Variants in CCDC178 observed in about 807,000 individuals in gnomAD.
CCDC178 encodes the protein coiled-coil domain-containing protein 178.
A neutral mutation model predicts 117.4 loss-of-function variants in CCDC178; 126 were observed. The observed-to-expected ratio is 1.07, with a 90% confidence interval of 0.93 to 1.24. CCDC178 has a LOEUF of 1.24. Among genes scored for constraint, CCDC178 ranks in the 50% most tolerant of loss-of-function variants. The probability of loss-of-function intolerance (pLI) is 0.00; values close to 1 mark genes in which losing one functional copy is unlikely to be tolerated. For synonymous variants in CCDC178, 283 were observed against 313.4 expected (o/e 0.90, Z 1.02); for missense variants, 1,030 against 986.9 (o/e 1.04, Z -0.59).
chr18:33,147,135 T>C (rs1478961237), intron 20 of CCDC178, among the ~76,000 whole-genome samples: 3 of 147,104 alleles, frequency 2.0e-5, no homozygotes, highest in African/African-American at 7.7e-5. Flanking sequence ...ATCTGGTAGC[T>C]GATTTCTTTT....
In CCDC178 at chr18:33,225,887, C is replaced by A. The variant is rs1307961120; in HGVS notation, c.1656+906G>T. The stretch of plus-strand genomic sequence containing the variant: ...CTCAAAAAACACTGTTAGGGCCGGG[C>A]GTGGTGGCTCACGCCTGTAATCCCA... On this transcript the variant is annotated intron_variant, in intron 16 of 22. Transcript: ENST00000383096. Among the ~76,000 whole-genome samples, 3 of 152,034 alleles carry A rather than the reference C, an allele frequency of 2.0e-5. No homozygotes were observed. The East Asian group carries it at 5.8e-4, about 30-fold the overall frequency.
At chr18:33,147,356 A>ATTTTTT (rs575608507) in intron 20 of CCDC178, among the ~76,000 whole-genome samples, 20 of 94,620 alleles carry the variant, frequency 2.1e-4, no homozygotes, top group African/African-American at 8.9e-4. Context: ...TGCCTTTTTA[A>ATTTTTT]TTTTTTTTTT....
rs2062579112 is a variant in CCDC178, at chr18:33,325,969, C to G, written c.880-2336G>C. Among the ~76,000 whole-genome samples the G allele has an allele frequency of 1.3e-5, 2 of 152,102 alleles. 1 individual carries two copies. Among genetic ancestry groups the G allele is most frequent in the South Asian group, 4.1e-4 (2 of 4,830 alleles). On this transcript the variant is annotated intron_variant, in intron 10 of 22. Coordinates refer to ENST00000383096, the MANE Select transcript of CCDC178 (RefSeq NM_001105528.4). ...CATTTTCATCATCCCAAAGGGAAACCCTGAACTCATTAAATGGTTACTCCC... is the reference window on the plus strand; with the variant it reads ...CATTTTCATCATCCCAAAGGGAAACGCTGAACTCATTAAATGGTTACTCCC...
At chr18:33,259,753 A>G (rs1292801432) in intron 14 of CCDC178, among the ~76,000 whole-genome samples, 1 of 152,086 alleles carries the variant, frequency 6.6e-6, no homozygotes, top group Non-Finnish European at 1.5e-5. Flanking sequence ...CATAACTTCC[A>G]TAATAATTAT....
At chr18:33,106,418 AC>A (rs1232899222) in intron 20 of CCDC178, among the ~76,000 whole-genome samples, 2 of 151,836 alleles carry the variant, frequency 1.3e-5, no homozygotes, top group East Asian at 3.9e-4. Context: ...CAGAGTAATG[AC>A]TGACCTGAGG....
At position 33,139,882 on chromosome 18, in the gene CCDC178, C is replaced by G. The variant is rs186723224; in HGVS notation, c.2239-46972G>C. Among the ~76,000 whole-genome samples, 17 of 152,196 alleles carry G rather than the reference C, an allele frequency of 1.1e-4. No homozygotes were observed. The East Asian group carries it at 3.1e-3, about 28-fold the overall frequency. On this transcript the variant is annotated intron_variant, in intron 20 of 22. Coordinates refer to ENST00000383096, the MANE Select transcript of CCDC178 (RefSeq NM_001105528.4). ...CTCCAGGGCATGTCTCCAGGGCCTC[C>G]CATCACAGGCCTGGAGACCTAGGAA...
chr18:33,420,305 G>A (rs1182967439), intron 2 of CCDC178, among the ~76,000 whole-genome samples: 9 of 152,108 alleles, frequency 5.9e-5, no homozygotes, highest in Admixed American at 3.3e-4. Flanking sequence ...GGAGGAAGGT[G>A]AGGATCAAAA....
At chr18:33,171,898 C>CTGTTTTT (rs1034127087) in intron 20 of CCDC178, among the ~76,000 whole-genome samples, 2 of 152,190 alleles carry the variant, frequency 1.3e-5, no homozygotes, top group African/African-American at 4.8e-5. Flanking sequence ...TGCCAAAATT[C>CTGTTTTT]TGTTTTTTGT....
chr18:33,000,046 C>T (rs2055599848), intron 21 of CCDC178, among the ~76,000 whole-genome samples: 1 of 151,818 alleles, frequency 6.6e-6, no homozygotes, highest in Non-Finnish European at 1.5e-5. Context: ...ACCTTTCAGA[C>T]AGGGAATTCA....
At chr18:33,200,114 T>C (rs1004304934) in intron 20 of CCDC178, among the ~76,000 whole-genome samples, 4 of 152,248 alleles carry the variant, frequency 2.6e-5, no homozygotes, top group Non-Finnish European at 4.4e-5. Context: ...TTCATTGGTA[T>C]AGCTTCATCA....
At chr18:33,192,918 AAAAG>A (rs1762879560) in intron 20 of CCDC178, among the ~76,000 whole-genome samples, 1 of 149,958 alleles carries the variant, frequency 6.7e-6, no homozygotes, top group African/African-American at 2.5e-5. Flanking sequence ...AAAAAAAAGA[AAAAG>A]AAGAAAAAAT....
chr18:33,430,920 A>C (rs910879595), intron 2 of CCDC178, among the ~76,000 whole-genome samples: 18 of 151,794 alleles, frequency 1.2e-4, no homozygotes, highest in African/African-American at 4.3e-4. Context: ...AAAACACACA[A>C]AAAAATTAGC....
chr18:33,285,350 A>G (rs1280792492), intron 12 of CCDC178, among the ~76,000 whole-genome samples: 1 of 152,162 alleles, frequency 6.6e-6, no homozygotes, highest in Non-Finnish European at 1.5e-5. Context: ...AAAAGAAAAT[A>G]ATAATTCAAA....
intron 22 of CCDC178, among the ~76,000 whole-genome samples, chr18:32,954,921 A>T (rs1050140104): frequency 1.3e-5 from 2 of 148,150 alleles, no homozygotes; most frequent in African/African-American, 5.0e-5. Flanking sequence ...ACATCCACTT[A>T]AAAAAAAAAG....
intron 21 of CCDC178, among the ~76,000 whole-genome samples, chr18:33,090,255 A>C (rs1026170920): frequency 1.3e-5 from 2 of 152,206 alleles, no homozygotes; most frequent in African/African-American, 4.8e-5. Context: ...ATGAAAATGT[A>C]TACTTTGTAT....
At position 33,215,572 on chromosome 18, in the gene CCDC178, C is replaced by G; in HGVS notation, c.2056G>C (p.Asp686His). 2.1e-6 allele frequency: 3 copies of G among 1,452,976 alleles called. No homozygotes were observed. The highest frequency in any genetic ancestry group is 2.8e-6 in the Non-Finnish European group (3 of 1,089,240). 90.0% of individuals were successfully genotyped at this position (1,452,976 alleles called of 1,614,324 possible). ...KAKEEEKKSFDQTLEILKNKF... is the reference protein window; with the variant it reads ...KAKEEEKKSFHQTLEILKNKF... Reference sequence around the variant, plus strand: ...TACTTTAATATTTCAAGTGTCTGATCAAAACTTTTCTTTTCTTCTTCTTTT... The same window carrying G: ...TACTTTAATATTTCAAGTGTCTGATGAAAACTTTTCTTTTCTTCTTCTTTT... Residue 686 changes from aspartate to histidine, a missense_variant, in exon 19 of 23, where the codon GAT (aspartate) becomes CAT (histidine). Coordinates refer to ENST00000383096, the MANE Select transcript of CCDC178 (RefSeq NM_001105528.4).
intron 21 of CCDC178, among the ~76,000 whole-genome samples, chr18:33,005,128 G>T (rs1451362128): frequency 6.6e-6 from 1 of 151,996 alleles, no homozygotes; most frequent in East Asian, 1.9e-4. Context: ...ATACCCGAAA[G>T]AAAGAAAGTC....
intron 5 of CCDC178, among the ~76,000 whole-genome samples, chr18:33,379,973 C>T (rs1305802648): frequency 6.6e-6 from 1 of 152,076 alleles, no homozygotes; most frequent in African/African-American, 2.4e-5. Context: ...GCAGAGAGGG[C>T]CCCACTGTAC....
intron 21 of CCDC178, among the ~76,000 whole-genome samples, chr18:33,023,277 T>C (rs2056159182): frequency 1.3e-5 from 2 of 152,098 alleles, no homozygotes; most frequent in African/African-American, 2.4e-5. Flanking sequence ...AATAGCAGAA[T>C]ACACATGTGT....
Sources: allele counts gnomAD v4.1 joint callset (sites outside exome capture counted in the v4.1 genomes callset), GRCh38; gene constraint gnomAD v4.1.1; transcripts MANE v1.5; gene names NCBI Gene and HGNC (gene_info 2026-07-23, HGNC 2026-07-21).